DNHD1: variants seen among roughly 807,000 people sequenced by gnomAD.
DNHD1 encodes dynein heavy chain domain 1.
DNHD1 carries 383 observed loss-of-function variants against 458.1 expected under a neutral mutation model. The observed-to-expected ratio is 0.84, with a 90% CI of 0.77 to 0.91. The LOEUF (loss-of-function observed/expected upper bound fraction) is 0.91, where lower values mean the gene tolerates loss of function less well. Ranked by LOEUF, DNHD1 falls within the 40% of genes least tolerant of loss-of-function variation. The pLI, the probability that DNHD1 is intolerant of heterozygous loss-of-function variation, is 0.00. For missense variants in DNHD1, 5,336 were observed against 5,866.1 expected (o/e 0.91, Z 2.95); for synonymous variants, 2,203 against 2,376.9 (o/e 0.93, Z 2.13).
intron 12 of DNHD1, among the ~76,000 whole-genome samples, chr11:6,531,458 G>A (rs1410263886): frequency 5.9e-5 from 9 of 152,230 alleles, no homozygotes; most frequent in Middle Eastern, 3.4e-3. Context: ...TATACCATAC[G>A]GTGTCACTGT....
Position 6,548,889 on chromosome 11 carries a change from C to G in DNHD1, c.7343C>G (p.Pro2448Arg), listed in dbSNP as rs1045689419. 1.9e-6 allele frequency: 3 copies of G among 1,551,716 alleles called. No individual in the cohort carries two copies. Among genetic ancestry groups the G allele is most frequent in the Non-Finnish European group, 1.7e-6 (2 of 1,146,992 alleles). ...PQPGHHQDSKPSLLFLLEDLH... is the reference protein window; with the variant it reads ...PQPGHHQDSKRSLLFLLEDLH... ...CCTGGGCATCACCAGGATTCTAAAC[C>G]CTCCCTCCTCTTCTTGCTGGAGGAC... is the stretch of plus-strand genomic sequence containing the variant. Residue 2448 changes from proline to arginine, a missense_variant, in exon 24 of 43, where the codon CCC (proline) becomes CGC (arginine). Pro to Arg is a moderately radical substitution (Grantham distance 103). This residue lies in a region of DNHD1 where 3,932 missense variants were observed against 4,365.6 expected (regional missense o/e 0.90). Transcript: ENST00000254579. The surrounding 1 kb of genome is among the most constrained non-coding windows in gnomAD (Gnocchi z 4.4).
At chr11:6,561,602 CAAG>C (rs763289358) in intron 28 of DNHD1, among the ~76,000 whole-genome samples, 4 of 152,170 alleles carry the variant, frequency 2.6e-5, no homozygotes, top group Non-Finnish European at 5.9e-5. Flanking sequence ...CTCCAAATAT[CAAG>C]AAAAACTTTC....
intron 7 of DNHD1, among the ~76,000 whole-genome samples, chr11:6,512,414 G>A (rs190532194): frequency 2.9e-4 from 44 of 151,252 alleles, no homozygotes; most frequent in Non-Finnish European, 4.4e-4. Context: ...AGTAGAGATG[G>A]GGTTTCACTG....
intron 16 of DNHD1, 78 bp downstream of exon 16, chr11:6,538,888 T>G: frequency 7.7e-7 from 1 of 1,302,298 alleles, no homozygotes; most frequent in Non-Finnish European, 1.0e-6. Flanking sequence ...AGTTTCCTGC[T>G]GCTCCTGCTG....
Position 6,571,910 on chromosome 11 carries a change from T to C in DNHD1, c.14186T>C (p.Leu4729Pro). Residue 4729 changes from leucine (L) to proline (P), a missense_variant, in exon 43 of 43, where the codon CTG becomes CCG. This residue lies in a region of DNHD1 where 698 missense variants were observed against 664.9 expected (regional missense o/e 1.05). Transcript: ENST00000254579. This position sits in a 1 kb window ranked among gnomAD's most constrained non-coding sequence, Gnocchi z 5.0. ...KLQSRNIVMH[L>P]PLPTKLTPNT... The stretch of plus-strand genomic sequence containing the variant: ...CAGAGCAGGAACATCGTGATGCATC[T>C]GCCTTTACCCACCAAGCTCACCCCC... The C allele has an allele frequency of 6.2e-7, 1 of 1,614,024 alleles. No homozygotes were observed. The highest frequency in any genetic ancestry group is 1.3e-5 in the African/African-American group (1 of 75,052).
chr11:6,562,891 A>C, intron 28 of DNHD1, 91 bp from the exon 29 acceptor site: 1 of 1,410,218 alleles, frequency 7.1e-7, no homozygotes, highest in Non-Finnish European at 9.5e-7. Flanking sequence ...TCAAGTGAGG[A>C]GTGTGCTACA....
chr11:6,536,492 A>T (rs1008517286), intron 14 of DNHD1, among the ~76,000 whole-genome samples: 1 of 152,236 alleles, frequency 6.6e-6, no homozygotes, highest in Non-Finnish European at 1.5e-5. Flanking sequence ...GTGTGTGTAT[A>T]TGTGCATACA....
At chr11:6,555,605 C>T (rs530159947) in intron 24 of DNHD1, among the ~76,000 whole-genome samples, 2 of 152,130 alleles carry the variant, frequency 1.3e-5, no homozygotes, top group Non-Finnish European at 2.9e-5. Context: ...AAAAATACTA[C>T]TCAGGAATAA....
chr11:6,548,867 G>A lies in DNHD1; in HGVS notation c.7321G>A (p.Gly2441Arg). The change falls in exon 24 of 43, where the codon GGG becomes AGG. Residue 2441 changes from glycine (G) to arginine (R), a missense_variant. This residue lies in a region of DNHD1 where 3,932 missense variants were observed against 4,365.6 expected (regional missense o/e 0.90). Coordinates refer to ENST00000254579, the MANE Select transcript of DNHD1 (RefSeq NM_144666.3). The surrounding 1 kb of genome is among the most constrained non-coding windows in gnomAD (Gnocchi z 4.4). Reference protein sequence around the residue: ...QGQTQASPQPGHHQDSKPSLL... With the variant: ...QGQTQASPQPRHHQDSKPSLL... ...CCAAACACAAGCCAGCCCACAGCCT[G>A]GGCATCACCAGGATTCTAAACCCTC... is the stretch of plus-strand genomic sequence containing the variant. The A allele has an allele frequency of 6.4e-7, 1 of 1,551,708 alleles. No homozygotes were observed. The highest frequency in any genetic ancestry group is 1.2e-5 in the South Asian group (1 of 84,064).
rs1453471471 is a variant in DNHD1, at chr11:6,546,601, C to A, written c.5662C>A (p.Leu1888Ile). ...KQILEDTIRT[L>I]NVTKEEPKCQ... is the part of the protein sequence containing the mutation. ...GATACTGGAAGACACAATACGGACA[C>A]TAAATGTGACCAAGGAGGAACCGAA... Residue 1888 changes from leucine (L) to isoleucine (I), a missense_variant, in exon 21 of 43, where the codon CTA becomes ATA. Coordinates refer to ENST00000254579, the MANE Select transcript of DNHD1 (RefSeq NM_144666.3). 2.5e-5 allele frequency: 39 copies of A among 1,551,814 alleles called. No homozygotes were observed. The highest frequency in any genetic ancestry group is 3.1e-5 in the Non-Finnish European group (36 of 1,147,022).
At chr11:6,524,343 C>G (rs1852665339) in intron 10 of DNHD1, among the ~76,000 whole-genome samples, 1 of 152,202 alleles carries the variant, frequency 6.6e-6, no homozygotes, top group Non-Finnish European at 1.5e-5. Flanking sequence ...TCTCAAATTT[C>G]TGCTTATCCC....
chr11:6,571,886 A>G lies in DNHD1; in HGVS notation c.14162A>G (p.Gln4721Arg). 3.1e-6 allele frequency: 5 copies of G among 1,614,064 alleles called. No homozygotes were observed. The highest frequency in any genetic ancestry group is 4.2e-6 in the Non-Finnish European group (5 of 1,179,904). Residue 4721 changes from glutamine to arginine, a missense_variant, in exon 43 of 43, where the codon CAG becomes CGG. Physicochemically the swap from Gln to Arg is conservative, Grantham distance 43. Around this residue, in one of 4 missense-constraint regions of DNHD1, gnomAD observed 698 missense variants for 664.9 expected, o/e 1.05. Transcript: ENST00000254579. The surrounding 1 kb of genome is among the most constrained non-coding windows in gnomAD (Gnocchi z 5.0). ...MGGPLGTAKL[Q>R]SRNIVMHLPL... ...GGGCCCCTTGGCACCGCTAAGCTGC[A>G]GAGCAGGAACATCGTGATGCATCTG...
intron 6 of DNHD1, among the ~76,000 whole-genome samples, chr11:6,510,056 C>T (rs556086311): frequency 1.1e-4 from 17 of 152,154 alleles, no homozygotes; most frequent in African/African-American, 4.1e-4. Flanking sequence ...TCACTTTTAA[C>T]TCAAATTTCA....
intron 16 of DNHD1, 79 bp from the exon 17 acceptor site, chr11:6,539,140 C>A: frequency 3.0e-6 from 3 of 1,014,528 alleles, no homozygotes; most frequent in Non-Finnish European, 3.0e-6. Flanking sequence ...CTGGGCTGGG[C>A]TGGGCTCTGG....
chr11:6,544,365 C>T, intron 19 of DNHD1, 119 bp downstream of exon 19: 6 of 1,220,662 alleles, frequency 4.9e-6, no homozygotes, highest in Non-Finnish European at 6.8e-6. Flanking sequence ...GTGAGGACCT[C>T]CTTCAGGGCT....
At chr11:6,523,133 A>G (rs4758109) in intron 10 of DNHD1, among the ~76,000 whole-genome samples, 42,079 of 152,142 alleles carry the variant, frequency 0.28, 6,430 homozygotes, top group Non-Finnish European at 0.34. Context: ...ACTTTTTGAT[A>G]TTTGTGGTAA....
rs1853222609 is a variant in DNHD1, at chr11:6,546,592, A to G, written c.5653A>G (p.Ile1885Val). The G allele has an allele frequency of 1.3e-6, 2 of 1,551,822 alleles. No individual in the cohort carries two copies. The highest frequency in any genetic ancestry group is 8.7e-7 in the Non-Finnish European group (1 of 1,147,016). ...PLLKQILEDT[I>V]RTLNVTKEEP... Reference sequence around the variant, plus strand: ...GCTCAAGCAGATACTGGAAGACACAATACGGACACTAAATGTGACCAAGGA... The same window carrying G: ...GCTCAAGCAGATACTGGAAGACACAGTACGGACACTAAATGTGACCAAGGA... Residue 1885 changes from isoleucine (I) to valine (V), a missense_variant, in exon 21 of 43, where the codon ATA becomes GTA. Ile to Val is a conservative substitution (Grantham distance 29). Coordinates refer to ENST00000254579, the MANE Select transcript of DNHD1 (RefSeq NM_144666.3).
Position 6,563,388 on chromosome 11 carries a change from A to C in DNHD1, c.9676A>C (p.Lys3226Gln), listed in dbSNP as rs1853624951. Residue 3226 changes from lysine (K) to glutamine (Q), a missense_variant, in exon 30 of 43, where the codon AAG becomes CAG. This residue lies in a region of DNHD1 where 3,932 missense variants were observed against 4,365.6 expected (regional missense o/e 0.90). Coordinates refer to ENST00000254579, the MANE Select transcript of DNHD1 (RefSeq NM_144666.3). ...GGTATCTCTCCTCATTTAGATGAGCAAGGCATTTCTGGAGCCTCTGAGCCA... is the reference window on the plus strand; with the variant it reads ...GGTATCTCTCCTCATTTAGATGAGCCAGGCATTTCTGGAGCCTCTGAGCCA... Reference protein sequence around the residue: ...QREAFLEQMSKAFLEPLSQLQ... With the variant: ...QREAFLEQMSQAFLEPLSQLQ... 1 of 1,551,574 alleles carries C rather than the reference A, an allele frequency of 6.4e-7. No individual in the cohort carries two copies. Among genetic ancestry groups the C allele is most frequent in the African/African-American group, 1.4e-5 (1 of 73,044 alleles).
At chr11:6,536,718 A>G (rs1477445510) in intron 14 of DNHD1, among the ~76,000 whole-genome samples, 2 of 152,260 alleles carry the variant, frequency 1.3e-5, no homozygotes, top group Non-Finnish European at 2.9e-5. Flanking sequence ...AGTAGATATC[A>G]CAAAATGTCT....
Sources: allele counts gnomAD v4.1 joint callset (sites outside exome capture counted in the v4.1 genomes callset), GRCh38; gene constraint gnomAD v4.1.1; regional missense constraint gnomAD v4.1.1; non-coding constraint Gnocchi (gnomAD v3.1); transcripts MANE v1.5; gene names NCBI Gene and HGNC (gene_info 2026-07-23, HGNC 2026-07-21).